Variants in GSTCD observed in about 807,000 individuals in gnomAD.
GSTCD encodes glutathione S-transferase C-terminal domain containing.
Under a neutral mutation model 68.3 loss-of-function variants are expected in GSTCD, and 44 were observed. The ratio of observed to expected loss-of-function variants is 0.64; its 90% CI spans 0.51 to 0.83. GSTCD has a LOEUF of 0.83. Ranked by LOEUF, GSTCD falls within the 40% of genes least tolerant of loss-of-function variation. GSTCD has a pLI of 0.00. For missense variants in GSTCD, 739 were observed against 735.9 expected (o/e 1.00, Z -0.05); for synonymous variants, 273 against 255.2 (o/e 1.07, Z -0.67).
chr4:105,770,446 A>G (rs1734801150), intron 5 of GSTCD, among the ~76,000 whole-genome samples: 1 of 151,560 alleles, frequency 6.6e-6, no homozygotes, highest in African/African-American at 2.4e-5. Flanking sequence ...ATAAGTATAC[A>G]TGTGCCATGG....
intron 5 of GSTCD, among the ~76,000 whole-genome samples, chr4:105,770,479 C>T (rs754616300): frequency 4.6e-5 from 7 of 151,844 alleles, no homozygotes; most frequent in Non-Finnish European, 7.4e-5. Context: ...CCCATCAATC[C>T]GTCACCTACA....
chr4:105,731,363 G>A (rs953229036), intron 5 of GSTCD, among the ~76,000 whole-genome samples: 1 of 152,196 alleles, frequency 6.6e-6, no homozygotes, highest in Non-Finnish European at 1.5e-5. Flanking sequence ...CTATCCATGA[G>A]CATGGAATGT....
chr4:105,729,555 A>G, intron 5 of GSTCD, 56 bp downstream of exon 5: 2 of 1,104,460 alleles, frequency 1.8e-6, no homozygotes, highest in South Asian at 1.4e-5. Flanking sequence ...GTCTTCAGAT[A>G]TGTCTTCTAA....
intron 1 of GSTCD, among the ~76,000 whole-genome samples, chr4:105,717,124 G>T (rs1732703299): frequency 6.6e-6 from 1 of 152,132 alleles, no homozygotes; most frequent in Admixed American, 6.6e-5. Flanking sequence ...TACTTGAGGA[G>T]AATCCACTTC....
intron 5 of GSTCD, among the ~76,000 whole-genome samples, chr4:105,755,349 G>A (rs1336934346): frequency 6.6e-6 from 1 of 151,894 alleles, no homozygotes; most frequent in Admixed American, 6.6e-5. Context: ...AGGTAAGGAG[G>A]GAAGGGAGGG....
intron 5 of GSTCD, among the ~76,000 whole-genome samples, chr4:105,748,982 T>C (rs1733910057): frequency 6.6e-6 from 1 of 151,970 alleles, no homozygotes; most frequent in Non-Finnish European, 1.5e-5. Context: ...GTGTTACTGT[T>C]GATAGGAATA....
chr4:105,845,555 T>C lies in GSTCD; in HGVS notation c.1880T>C (p.Met627Thr), dbSNP rs964627854. Residue 627 changes from methionine to threonine, a missense_variant, in exon 12 of 12, where the codon ATG becomes ACG. Met to Thr is a moderately conservative substitution (Grantham distance 81). Coordinates refer to ENST00000515279, the MANE Select transcript of GSTCD (RefSeq NM_001370181.1). ...EPESCSPKNN[M>T]IVGVPI ...GAGAGCTGCTCTCCCAAAAATAACATGATTGTGGGAGTCCCCATTTAAAAT... is the reference window on the plus strand; with the variant it reads ...GAGAGCTGCTCTCCCAAAAATAACACGATTGTGGGAGTCCCCATTTAAAAT... The C allele has an allele frequency of 6.2e-7, 1 of 1,614,082 alleles. No homozygotes were observed. The highest frequency in any genetic ancestry group is 8.5e-7 in the Non-Finnish European group (1 of 1,179,982).
At chr4:105,827,722 T>A (rs1723704523) in intron 8 of GSTCD, among the ~76,000 whole-genome samples, 1 of 152,162 alleles carries the variant, frequency 6.6e-6, no homozygotes, top group Non-Finnish European at 1.5e-5. Flanking sequence ...TAAAACTGCA[T>A]AAATTCATGG....
intron 5 of GSTCD, among the ~76,000 whole-genome samples, chr4:105,752,002 A>G (rs140601831): frequency 3.3e-5 from 5 of 152,308 alleles, no homozygotes; most frequent in African/African-American, 1.2e-4. Context: ...TTCAAGTTTT[A>G]TACTTTAGAG....
At chr4:105,797,068 G>GTGTGTA (rs1389757863) in intron 5 of GSTCD, among the ~76,000 whole-genome samples, 1 of 151,298 alleles carries the variant, frequency 6.6e-6, no homozygotes, top group African/African-American at 2.4e-5. Context: ...GTGTGTGTGT[G>GTGTGTA]TGTGTGTGTG....
In GSTCD at chr4:105,770,055, G is replaced by C. The variant is rs59778195; in HGVS notation, c.1240+40556G>C. Among the ~76,000 whole-genome samples, 3 of 152,190 alleles carry C rather than the reference G, an allele frequency of 2.0e-5. No homozygotes were observed. In the East Asian group the frequency reaches 5.8e-4, roughly 29 times the overall value. The stretch of plus-strand genomic sequence containing the variant: ...ATTACAGGTGTGAACCACCACACCC[G>C]GCCCAGATTTTATTTGTTTGCTTAT... On this transcript the variant is annotated intron_variant, in intron 5 of 11. Coordinates refer to ENST00000515279, the MANE Select transcript of GSTCD (RefSeq NM_001370181.1).
chr4:105,811,503 G>A (rs1337963640), intron 5 of GSTCD, among the ~76,000 whole-genome samples: 4 of 137,302 alleles, frequency 2.9e-5, no homozygotes, highest in African/African-American at 1.1e-4. Flanking sequence ...AATCTAGGAA[G>A]GGGAACATCA....
At chr4:105,713,769 A>G (rs1228101477) in intron 1 of GSTCD, among the ~76,000 whole-genome samples, 1 of 151,906 alleles carries the variant, frequency 6.6e-6, no homozygotes, top group Non-Finnish European at 1.5e-5. Context: ...TGAAAAAACA[A>G]AAAACAAAAC....
chr4:105,804,178 A>C (rs1455459480), intron 5 of GSTCD, among the ~76,000 whole-genome samples: 1 of 152,018 alleles, frequency 6.6e-6, no homozygotes, highest in Admixed American at 6.6e-5. Context: ...TTGGTGATTC[A>C]TTATTGTTAT....
rs1453948556 is a variant in GSTCD, at chr4:105,718,198, ATATT to A, written c.426+163_426+166del. 2.6e-5 allele frequency among the ~76,000 whole-genome samples: 4 copies of A among 152,324 alleles called. No homozygotes were observed. The South Asian group carries it at 6.2e-4, about 24-fold the overall frequency. ...AAAGTAGCCCTTTGATATAGTTTGA[ATATT>A]TATCCCCTCCAAATTTCATGTTGAA... On this transcript the variant is annotated intron_variant, in intron 2 of 11. Transcript: ENST00000515279.
chr4:105,728,680 T>TATAGATATAGATATCTAG (rs368056265), intron 4 of GSTCD, among the ~76,000 whole-genome samples: 1 of 146,852 alleles, frequency 6.8e-6, no homozygotes, highest in African/African-American at 2.6e-5. Flanking sequence ...TAGATATAGA[T>TATAGATATAGATATCTAG]ATATAGATAT....
intron 5 of GSTCD, among the ~76,000 whole-genome samples, chr4:105,750,483 A>G (rs753456569): frequency 5.3e-5 from 8 of 151,898 alleles, no homozygotes; most frequent in Non-Finnish European, 1.0e-4. Context: ...AAAAAAAGAA[A>G]AGTAACAACA....
intron 5 of GSTCD, among the ~76,000 whole-genome samples, chr4:105,777,437 C>T (rs1002903357): frequency 6.6e-6 from 1 of 152,164 alleles, no homozygotes; most frequent in Non-Finnish European, 1.5e-5. Flanking sequence ...AATGACTTTC[C>T]TCCCTTTATC....
chr4:105,810,085 G>C (rs1010890856), intron 5 of GSTCD, among the ~76,000 whole-genome samples: 8 of 151,978 alleles, frequency 5.3e-5, no homozygotes, highest in Admixed American at 5.3e-4. Flanking sequence ...TTATTTTACT[G>C]CCCTACATAA....
Sources: allele counts gnomAD v4.1 joint callset (sites outside exome capture counted in the v4.1 genomes callset), GRCh38; gene constraint gnomAD v4.1.1; transcripts MANE v1.5; gene names NCBI Gene and HGNC (gene_info 2026-07-23, HGNC 2026-07-21).